ITPRIP: variants seen among roughly 807,000 people sequenced by gnomAD.
The protein encoded by ITPRIP is inositol 1,4,5-trisphosphate receptor-interacting protein.
Under a neutral mutation model 35.8 loss-of-function variants are expected in ITPRIP, and 32 were observed. That is an observed-to-expected ratio of 0.89 (90% CI 0.68 to 1.20). The LOEUF is 1.20. Among genes scored for constraint, ITPRIP ranks in the 50% most tolerant of loss-of-function variants. ITPRIP has a pLI of 0.00. For missense variants in ITPRIP, 653 were observed against 735.6 expected, an observed-to-expected ratio of 0.89 and a Z score of 1.30; for synonymous variants, 358 against 324.0, an observed-to-expected ratio of 1.11 and a Z score of -1.13.
At chr10:104,318,968 G>A (rs950031116) in intron 1 of ITPRIP, among the ~76,000 whole-genome samples, 1 of 152,242 alleles carries the variant, frequency 6.6e-6, no homozygotes, top group African/African-American at 2.4e-5. Flanking sequence ...GGAGTGCGCC[G>A]CAGACGCCCC....
At chr10:104,320,090 A>G (rs771391313) in intron 1 of ITPRIP, among the ~76,000 whole-genome samples, 2 of 152,184 alleles carry the variant, frequency 1.3e-5, no homozygotes, top group Non-Finnish European at 2.9e-5. Flanking sequence ...TATTGTCAGG[A>G]AAATCTACAT....
chr10:104,312,643 T>TG lies in ITPRIP; in HGVS notation c.*1764dup. ...TGTTCAGTCTAATTCCAGCTCACAC[T>TG]GGAAGGCTTCCTATAGGTTTGGTTG... On this transcript the variant is annotated 3_prime_UTR_variant, in exon 2 of 2. Coordinates refer to ENST00000337478, the MANE Select transcript of ITPRIP (RefSeq NM_001272013.2). 1.0e-6 allele frequency: 1 copy of TG among 985,412 alleles called. No individual in the cohort carries two copies. Among genetic ancestry groups the TG allele is most frequent in the Non-Finnish European group, 1.2e-6 (1 of 829,938 alleles). The allele number at this position is 985,412 out of a possible 1,614,324, so 61.0% of individuals were successfully genotyped here.
At chr10:104,334,146 G>A (rs1306056760) in intron 1 of ITPRIP, among the ~76,000 whole-genome samples, 1 of 152,222 alleles carries the variant, frequency 6.6e-6, no homozygotes, top group African/African-American at 2.4e-5. Context: ...CTTGGCTCTG[G>A]GCACCTGGAG....
At chr10:104,321,816 C>T (rs2013855128) in intron 1 of ITPRIP, among the ~76,000 whole-genome samples, 1 of 151,010 alleles carries the variant, frequency 6.6e-6, no homozygotes, top group Non-Finnish European at 1.5e-5. Flanking sequence ...AGCCACAGGA[C>T]TAGAAAAGCC....
At chr10:104,319,563 C>G (rs1564863373) in intron 1 of ITPRIP, among the ~76,000 whole-genome samples, 1 of 152,136 alleles carries the variant, frequency 6.6e-6, no homozygotes, top group Non-Finnish European at 1.5e-5. Flanking sequence ...CCCCGCTTCC[C>G]CGGATCGGAT....
intron 1 of ITPRIP, among the ~76,000 whole-genome samples, 182 bp downstream of exon 1, chr10:104,338,064 C>T (rs534524843): frequency 2.0e-4 from 30 of 152,330 alleles, no homozygotes; most frequent in African/African-American, 6.5e-4. Context: ...CGCCTGGGCA[C>T]GCGCGCTTTA....
At chr10:104,319,997 T>C (rs1446680779) in intron 1 of ITPRIP, among the ~76,000 whole-genome samples, 3 of 152,132 alleles carry the variant, frequency 2.0e-5, no homozygotes, top group Non-Finnish European at 4.4e-5. Flanking sequence ...TCATATGAGA[T>C]AGCAGGCCCT....
chr10:104,329,060 C>CAT (rs1216975313), intron 1 of ITPRIP: 1 of 151,822 alleles, frequency 6.6e-6, no homozygotes, highest in African/African-American at 2.4e-5. Flanking sequence ...CACACACACA[C>CAT]ACACACATAC....
rs565314793 is a variant in ITPRIP, at chr10:104,328,296, C to T, written c.-14+9950G>A. On this transcript the variant is annotated intron_variant, in intron 1 of 1. Coordinates refer to ENST00000337478, the MANE Select transcript of ITPRIP (RefSeq NM_001272013.2). This position sits in a 1 kb window ranked among gnomAD's most constrained non-coding sequence, Gnocchi z 4.1. ...TCGTATTCCTCCGAATTTCCCCTAG[C>T]CCTGTGGCCGCATCTCACCCACAAG... 5 of 985,434 alleles carry T rather than the reference C, an allele frequency of 5.1e-6. No homozygotes were observed. Among genetic ancestry groups the T allele is most frequent in the East Asian group, 2.3e-4 (2 of 8,812 alleles). The allele number at this position is 985,434 out of a possible 1,614,324, so 61.0% of individuals were successfully genotyped here. A position where few individuals can be genotyped will look rare whatever the true frequency, so the allele number is the denominator to read the frequency against.
intron 1 of ITPRIP, among the ~76,000 whole-genome samples, chr10:104,325,265 GCCTGTGGGCTCTGGTCTGCAAC>G (rs542540450): frequency 1.1e-3 from 170 of 152,248 alleles, no homozygotes; most frequent in Non-Finnish European, 1.4e-3. Flanking sequence ...GCCACCCAGA[GCCTGTGGGCTCTGGTCTGCAAC>G]CCCCCATGAA....
At chr10:104,320,892 A>G (rs1267925082) in intron 1 of ITPRIP, among the ~76,000 whole-genome samples, 3 of 152,066 alleles carry the variant, frequency 2.0e-5, no homozygotes. Context: ...TGGGGCACAT[A>G]TTTTCAGGAT....
rs549310971 is a variant in ITPRIP, at chr10:104,314,302, G to A, written c.*106C>T. The A allele has an allele frequency of 1.8e-4, 279 of 1,512,358 alleles. No homozygotes were observed. The African/African-American group carries it at 3.5e-3, about 19-fold the overall frequency. 93.7% of individuals were successfully genotyped at this position (1,512,358 alleles called of 1,614,324 possible). ...CTGGCAGGCTGAGCACGGCTCCCACGAAAGCCCGCCTTGTCCCCAGAACAG... is the reference window on the plus strand; with the variant it reads ...CTGGCAGGCTGAGCACGGCTCCCACAAAAGCCCGCCTTGTCCCCAGAACAG... On this transcript the variant is annotated 3_prime_UTR_variant, in exon 2 of 2. Transcript: ENST00000337478.
rs2135200518 is a variant in ITPRIP at position 104,326,163 on chromosome 10, T to C, written c.-13-10099A>G. On this transcript the variant is annotated intron_variant, in intron 1 of 1. Transcript: ENST00000337478. The surrounding 1 kb of genome is among the most constrained non-coding windows in gnomAD (Gnocchi z 4.8). Reference sequence around the variant, plus strand: ...CCCACTCTCGGGAGAGGGAGCGGTTTCAAGAAGTCACCAGAATGCCAACTC... The same window carrying C: ...CCCACTCTCGGGAGAGGGAGCGGTTCCAAGAAGTCACCAGAATGCCAACTC... Among the ~76,000 whole-genome samples the C allele has an allele frequency of 6.6e-6, 1 of 152,272 alleles. No individual in the cohort carries two copies. The highest frequency in any genetic ancestry group is 2.1e-4 in the South Asian group (1 of 4,830).
intron 1 of ITPRIP, 140 bp from the exon 2 acceptor site, chr10:104,316,204 G>A (rs2013683405): frequency 4.3e-6 from 3 of 705,664 alleles, no homozygotes; most frequent in Non-Finnish European, 6.8e-6. Context: ...CCCTGCGGCT[G>A]CCTCAGGAGC....
In ITPRIP at chr10:104,315,589, C is replaced by T; in HGVS notation, c.463G>A (p.Ala155Thr). The T allele has an allele frequency of 6.2e-7, 1 of 1,613,718 alleles. No homozygotes were observed. Among genetic ancestry groups the T allele is most frequent in the Non-Finnish European group, 8.5e-7 (1 of 1,180,002 alleles). The change falls in exon 2 of 2, where the codon GCC becomes ACC. Residue 155 changes from alanine (A) to threonine (T), a missense_variant. Ala to Thr is a moderately conservative substitution (Grantham distance 58). Transcript: ENST00000337478. This position sits in a 1 kb window ranked among gnomAD's most constrained non-coding sequence, Gnocchi z 5.7. ...FYERCIRGAT[A>T]DAARTREFLE... ...AACTCCCGGGTACGGGCTGCATCGG[C>T]CGTGGCCCCCCGGATGCAGCGCTCA...
chr10:104,337,456 C>T (rs1329576932), intron 1 of ITPRIP, among the ~76,000 whole-genome samples: 1 of 152,072 alleles, frequency 6.6e-6, no homozygotes, highest in Non-Finnish European at 1.5e-5. Context: ...TGCCTGGTTC[C>T]GTAAAATATT....
intron 1 of ITPRIP, among the ~76,000 whole-genome samples, chr10:104,316,719 C>T (rs754468472): frequency 3.9e-5 from 6 of 152,104 alleles, no homozygotes; most frequent in African/African-American, 7.2e-5. Context: ...ATAAAGAAAC[C>T]CTTTTTAAGT....
rs1454662628 is a variant in ITPRIP, at chr10:104,328,349, C to T, written c.-14+9897G>A. On this transcript the variant is annotated intron_variant, in intron 1 of 1. Transcript: ENST00000337478. This position sits in a 1 kb window ranked among gnomAD's most constrained non-coding sequence, Gnocchi z 4.1. ...TGCTGGTTTGGAGAGAGCATGAATACCCACCTTGGGGCAGGACATGCCAGA... is the reference window on the plus strand; with the variant it reads ...TGCTGGTTTGGAGAGAGCATGAATATCCACCTTGGGGCAGGACATGCCAGA... 1.1e-6 allele frequency: 1 copy of T among 941,416 alleles called. No individual in the cohort carries two copies. The highest frequency in any genetic ancestry group is 1.3e-6 in the Non-Finnish European group (1 of 790,190). The allele number at this position is 941,416 out of a possible 1,614,324, so 58.3% of individuals were successfully genotyped here.
At chr10:104,318,361 T>TG (rs1339122888) in intron 1 of ITPRIP, among the ~76,000 whole-genome samples, 1 of 152,092 alleles carries the variant, frequency 6.6e-6, no homozygotes, top group Non-Finnish European at 1.5e-5. Context: ...GGAGATAATT[T>TG]GGGGGGTTTT....
Sources: allele counts gnomAD v4.1 joint callset (sites outside exome capture counted in the v4.1 genomes callset), GRCh38; gene constraint gnomAD v4.1.1; non-coding constraint Gnocchi (gnomAD v3.1); transcripts MANE v1.5; gene names NCBI Gene and HGNC (gene_info 2026-07-23, HGNC 2026-07-21).